CCNT1: variants seen among roughly 807,000 people sequenced by gnomAD.
The protein encoded by CCNT1 is cyclin T1, also known as cyclin-T1.
In CCNT1, 18 loss-of-function variants were observed where a neutral mutation model predicts 67.3. That is an observed-to-expected ratio of 0.27 (90% CI 0.18 to 0.40). The LOEUF is 0.40. Ranked by LOEUF, CCNT1 falls within the 10% of genes least tolerant of loss-of-function variation. CCNT1 has a pLI of 1.00. For missense variants in CCNT1, 744 were observed against 884.9 expected, an observed-to-expected ratio of 0.84 and a Z score of 2.02; for synonymous variants, 333 against 310.3, an observed-to-expected ratio of 1.07 and a Z score of -0.77.
At chr12:48,697,543 A>G (rs1340372585) in intron 6 of CCNT1, among the ~76,000 whole-genome samples, 1 of 143,976 alleles carries the variant, frequency 6.9e-6, no homozygotes, top group Non-Finnish European at 1.5e-5. Flanking sequence ...AAATATATAT[A>G]TATATATATA....
intron 8 of CCNT1, among the ~76,000 whole-genome samples, chr12:48,695,350 TAAA>T (rs745908505): frequency 6.6e-6 from 1 of 152,216 alleles, no homozygotes; most frequent in Non-Finnish European, 1.5e-5. Context: ...ACAGCCTATA[TAAA>T]AACAAAATTC....
rs761203758 is a variant in CCNT1 at position 48,716,614 on chromosome 12, T to C, written c.62A>G (p.Asn21Ser). ...CACGCCAAAACGACGGGATGGGCTA[T>C]TTTCCAGCTGTTCTCGAGTGAAATA... is the stretch of plus-strand genomic sequence containing the variant. Reference protein sequence around the residue: ...RWYFTREQLENSPSRRFGVDP... With the variant: ...RWYFTREQLESSPSRRFGVDP... Residue 21 changes from asparagine to serine, a missense_variant, in exon 1 of 9, where the codon AAT becomes AGT. Transcript: ENST00000261900. 5 of 1,614,100 alleles carry C rather than the reference T, an allele frequency of 3.1e-6. No individual in the cohort carries two copies. Among genetic ancestry groups the C allele is most frequent in the African/African-American group, 2.7e-5 (2 of 74,954 alleles).
intron 6 of CCNT1, among the ~76,000 whole-genome samples, chr12:48,697,534 A>ATATATAT (rs1555157838): frequency 1.1e-3 from 142 of 130,684 alleles, no homozygotes; most frequent in African/African-American, 4.1e-3. Context: ...AAAAAAAAAA[A>ATATATAT]ATATATATAT....
At chr12:48,703,738 C>T (rs915095581) in intron 3 of CCNT1, among the ~76,000 whole-genome samples, 1 of 151,972 alleles carries the variant, frequency 6.6e-6, no homozygotes, top group Admixed American at 6.6e-5. Flanking sequence ...AGGTCGAGAG[C>T]AGCCTGGGCA....
intron 2 of CCNT1, among the ~76,000 whole-genome samples, chr12:48,710,183 CG>C (rs1353041333): frequency 1.5e-5 from 2 of 136,124 alleles, no homozygotes; most frequent in Admixed American, 1.7e-4. Context: ...TGAGTCAACA[CG>C]CCCAGCCTCT....
intron 3 of CCNT1, among the ~76,000 whole-genome samples, chr12:48,704,041 T>A (rs1482917249): frequency 6.6e-6 from 1 of 152,218 alleles, no homozygotes; most frequent in African/African-American, 2.4e-5. Context: ...ATATATATCA[T>A]TAAATACTAG....
At chr12:48,701,183 A>T in intron 3 of CCNT1, 110 bp from the exon 4 acceptor site, 5 of 347,940 alleles carry the variant, frequency 1.4e-5, no homozygotes, top group East Asian at 5.9e-5. Context: ...GCATGAGTGG[A>T]GTTAGGAGGT....
rs1333001794 is a variant in CCNT1 at position 48,692,608 on chromosome 12, G to C, written c.*425C>G. On this transcript the variant is annotated 3_prime_UTR_variant, in exon 9 of 9. Transcript: ENST00000261900. ...TAACTTACTTTCTTTAAATTATTAA[G>C]TCTATTAAAAGATTTGACGTTTAAA... The C allele has an allele frequency of 1.3e-5, 2 of 157,740 alleles. No individual in the cohort carries two copies. Among genetic ancestry groups the C allele is most frequent in the Non-Finnish European group, 2.8e-5 (2 of 71,754 alleles). The allele number at this position is 157,740 out of a possible 1,614,324, so 9.8% of individuals were successfully genotyped here.
chr12:48,706,185 A>C (rs1385644740), intron 2 of CCNT1, among the ~76,000 whole-genome samples: 1 of 152,188 alleles, frequency 6.6e-6, no homozygotes, highest in African/African-American at 2.4e-5. Context: ...ATTCTTTATT[A>C]AGTTTGTATC....
At chr12:48,705,741 A>G in intron 3 of CCNT1, 27 bp downstream of exon 3, 1 of 1,583,326 alleles carries the variant, frequency 6.3e-7, no homozygotes, top group Non-Finnish European at 8.6e-7. Flanking sequence ...AAAATTAAGA[A>G]AAACAGATGT....
rs970372232 is a variant in CCNT1 at position 48,689,058 on chromosome 12, C to T, written c.*3975G>A. ...GAGTTCCTGATTACCTGATGAAGGA[C>T]ATACTTGCTCTGGCTTCAATTAGCA... On this transcript the variant is annotated 3_prime_UTR_variant, in exon 9 of 9. Coordinates refer to ENST00000261900, the MANE Select transcript of CCNT1 (RefSeq NM_001240.4). 2 of 152,202 alleles carry T rather than the reference C, an allele frequency of 1.3e-5. No homozygotes were observed. Among genetic ancestry groups the T allele is most frequent in the Non-Finnish European group, 2.9e-5 (2 of 68,042 alleles). 9.4% of individuals were successfully genotyped at this position (152,202 alleles called of 1,614,324 possible).
In CCNT1 at chr12:48,692,937, G is replaced by A. The variant is rs978973449; in HGVS notation, c.*96C>T. 2 of 787,300 alleles carry A rather than the reference G, an allele frequency of 2.5e-6. No individual in the cohort carries two copies. The highest frequency in any genetic ancestry group is 1.8e-5 in the African/African-American group (1 of 57,050). The allele number at this position is 787,300 out of a possible 1,614,324, so 48.8% of individuals were successfully genotyped here. ...TCAATTTATTCCCTAGTCCAAGGAT[G>A]ACATATTTCATAAGTAATTTTCTTA... On this transcript the variant is annotated 3_prime_UTR_variant, in exon 9 of 9. Transcript: ENST00000261900.
chr12:48,707,118 A>G (rs910146603), intron 2 of CCNT1, among the ~76,000 whole-genome samples: 1 of 152,206 alleles, frequency 6.6e-6, no homozygotes, highest in African/African-American at 2.4e-5. Context: ...ATGAATATGA[A>G]GCATACTACA....
rs571987205 is a variant in CCNT1 at position 48,712,074 on chromosome 12, G to C, written c.243+2369C>G. 1.6e-3 allele frequency among the ~76,000 whole-genome samples: 246 copies of C among 152,080 alleles called. 1 individual carries two copies. The highest frequency in any genetic ancestry group is 3.6e-3 in the Admixed American group (55 of 15,272). On this transcript the variant is annotated intron_variant, in intron 2 of 8. Coordinates refer to ENST00000261900, the MANE Select transcript of CCNT1 (RefSeq NM_001240.4). Reference sequence around the variant, plus strand: ...CTCCCAAAGTGCTGGGATTACAGGCGTTGAGCCACGGCACCTGGCCCACAA... The same window carrying C: ...CTCCCAAAGTGCTGGGATTACAGGCCTTGAGCCACGGCACCTGGCCCACAA...
intron 1 of CCNT1, among the ~76,000 whole-genome samples, chr12:48,715,752 C>G (rs547767451): frequency 6.6e-6 from 1 of 152,162 alleles, no homozygotes; most frequent in Non-Finnish European, 1.5e-5. Context: ...CGTGAGCCAC[C>G]GCATCCAGCC....
At chr12:48,702,958 CA>C (rs914890123) in intron 3 of CCNT1, among the ~76,000 whole-genome samples, 1 of 151,688 alleles carries the variant, frequency 6.6e-6, no homozygotes, top group Non-Finnish European at 1.5e-5. Flanking sequence ...CCTATCTCTA[CA>C]AAAAAATAAA....
chr12:48,694,525 TG>T lies in CCNT1; in HGVS notation c.778-90del, dbSNP rs1448452117. The T allele has an allele frequency of 8.6e-6, 10 of 1,163,244 alleles. No homozygotes were observed. In the East Asian group the frequency reaches 1.6e-4, roughly 19 times the overall value. 72.1% of individuals were successfully genotyped at this position (1,163,244 alleles called of 1,614,324 possible). On this transcript the variant is annotated intron_variant, in intron 8 of 8. Transcript: ENST00000261900. ...GAGTAGATTGTACTTGCAGCAACAC[TG>T]GAAGTTCTGGATAGGCCACAGGCAG...
chr12:48,705,664 T>G, intron 3 of CCNT1, 104 bp downstream of exon 3: 1 of 861,656 alleles, frequency 1.2e-6, no homozygotes, highest in Non-Finnish European at 1.8e-6. Flanking sequence ...AGTTATAAAA[T>G]TAAGTTGCAT....
Position 48,690,795 on chromosome 12 carries a change from G to C in CCNT1, c.*2238C>G, listed in dbSNP as rs1456925734. ...ATGATTATGTGCCTCTGTGGTAAAG[G>C]AGTGCATGTGATTAGAAAATATGTG... On this transcript the variant is annotated 3_prime_UTR_variant, in exon 9 of 9. Coordinates refer to ENST00000261900, the MANE Select transcript of CCNT1 (RefSeq NM_001240.4). 6.6e-6 allele frequency: 1 copy of C among 152,274 alleles called. No individual in the cohort carries two copies. The highest frequency in any genetic ancestry group is 1.9e-4 in the East Asian group (1 of 5,184). 9.4% of individuals were successfully genotyped at this position (152,274 alleles called of 1,614,324 possible).
Sources: allele counts gnomAD v4.1 joint callset (sites outside exome capture counted in the v4.1 genomes callset), GRCh38; gene constraint gnomAD v4.1.1; transcripts MANE v1.5; gene names NCBI Gene and HGNC (gene_info 2026-07-23, HGNC 2026-07-21).